Variants in LRRC9 observed in about 807,000 individuals in gnomAD.
LRRC9 encodes leucine rich repeat containing 9, also known as leucine-rich repeat-containing protein 9.
Under a neutral mutation model 63.2 loss-of-function variants are expected in LRRC9, and 122 were observed. The ratio of observed to expected loss-of-function variants is 1.93; its 90% CI spans 1.67 to 2.24. LRRC9 has a LOEUF of 2.24. Among genes scored for constraint, LRRC9 ranks in the 30% most tolerant of loss-of-function variants. The pLI, the probability that LRRC9 is intolerant of heterozygous loss-of-function variation, is 0.00. For synonymous variants in LRRC9, 366 were observed against 213.1 expected (o/e 1.72, Z -6.25); for missense variants, 1,071 against 627.7 (o/e 1.71, Z -7.55).
intron 8 of LRRC9, among the ~76,000 whole-genome samples, chr14:59,954,032 G>A (rs1242590166): frequency 2.0e-5 from 3 of 152,060 alleles, no homozygotes; most frequent in African/African-American, 7.2e-5. Flanking sequence ...ATCCATTTTG[G>A]TACCAGTACC....
In LRRC9 at chr14:59,936,689, A is replaced by G. The variant is rs1890164809; in HGVS notation, c.544-1701A>G. On this transcript the variant is annotated intron_variant, in intron 6 of 31. Coordinates refer to ENST00000445360, the Ensembl canonical transcript of LRRC9. The surrounding 1 kb of genome is among the most constrained non-coding windows in gnomAD (Gnocchi z 4.2). ...AATAATTCTCTGCACAGCTCTGTCCATAAATCTTCCTTTTAGAGCAACTCT... is the reference window on the plus strand; with the variant it reads ...AATAATTCTCTGCACAGCTCTGTCCGTAAATCTTCCTTTTAGAGCAACTCT... Among the ~76,000 whole-genome samples, 1 of 152,182 alleles carries G rather than the reference A, an allele frequency of 6.6e-6. No individual in the cohort carries two copies. The highest frequency in any genetic ancestry group is 2.1e-4 in the South Asian group (1 of 4,834).
intron 29 of LRRC9, among the ~76,000 whole-genome samples, chr14:60,034,437 T>C (rs1163871514): frequency 2.6e-5 from 4 of 152,162 alleles, no homozygotes; most frequent in Non-Finnish European, 5.9e-5. Flanking sequence ...TTTTTAAATG[T>C]CCAGTTTAGT....
intron 8 of LRRC9, among the ~76,000 whole-genome samples, chr14:59,952,275 G>C (rs1299862582): frequency 1.3e-5 from 2 of 152,156 alleles, no homozygotes; most frequent in Non-Finnish European, 2.9e-5. Flanking sequence ...AGGTGCGTCC[G>C]TCACGCCTTT....
At chr14:59,943,291 A>G (rs1201531466) in intron 7 of LRRC9, among the ~76,000 whole-genome samples, 1 of 152,060 alleles carries the variant, frequency 6.6e-6, no homozygotes, top group East Asian at 1.9e-4. Context: ...TTCAAGTTTT[A>G]CATTTAAGTC....
At chr14:59,967,735 AG>A (rs1885006745) in intron 12 of LRRC9, among the ~76,000 whole-genome samples, 1 of 152,194 alleles carries the variant, frequency 6.6e-6, no homozygotes, top group Non-Finnish European at 1.5e-5. Flanking sequence ...AGGCAGCTGT[AG>A]CACACTGGTG....
intron 12 of LRRC9, among the ~76,000 whole-genome samples, chr14:59,974,341 G>A (rs1885874525): frequency 1.3e-5 from 2 of 152,006 alleles, no homozygotes; most frequent in Admixed American, 1.3e-4. Context: ...TGCTTTTCCA[G>A]GAACAATTTT....
chr14:60,058,336 A>T lies in LRRC9; in HGVS notation c.4276+314A>T, dbSNP rs1414612191. 6.6e-6 allele frequency among the ~76,000 whole-genome samples: 1 copy of T among 152,108 alleles called. No individual in the cohort carries two copies. Among genetic ancestry groups the T allele is most frequent in the Non-Finnish European group, 1.5e-5 (1 of 67,998 alleles). The stretch of plus-strand genomic sequence containing the variant: ...CTTTTCAAAGCTTTTATTTCATTTC[A>T]TGGATGTCAGAGCAAACAACTACTA... On this transcript the variant is annotated intron_variant, in intron 31 of 31. Coordinates refer to ENST00000445360, the Ensembl canonical transcript of LRRC9. The surrounding 1 kb of genome is among the most constrained non-coding windows in gnomAD (Gnocchi z 4.4).
chr14:60,014,111 A>G (rs191405123), intron 23 of LRRC9, among the ~76,000 whole-genome samples: 2 of 152,078 alleles, frequency 1.3e-5, no homozygotes, highest in East Asian at 3.9e-4. Context: ...TTCTATTACA[A>G]TGCATATACA....
At chr14:60,019,306 T>C in intron 26 of LRRC9, 46 bp downstream of exon 26, 3 of 649,716 alleles carry the variant, frequency 4.6e-6, no homozygotes, top group Non-Finnish European at 8.3e-6. Context: ...TGGCTGGGAA[T>C]TTTAAAAGCA....
intron 17 of LRRC9, among the ~76,000 whole-genome samples, chr14:59,996,354 T>A (rs1045861767): frequency 2.7e-4 from 41 of 152,274 alleles, no homozygotes; most frequent in South Asian, 8.3e-4. Flanking sequence ...TTTCAGAAAT[T>A]TTTTTAGGTT....
downstream of LRRC9, chr14:60,063,581 T>G (rs888225340): frequency 9.1e-6 from 4 of 438,306 alleles, no homozygotes; most frequent in Non-Finnish European, 4.0e-6. Flanking sequence ...CTTTAGTTAT[T>G]TGTTTGAATT....
At chr14:59,961,510 A>T (rs556834301) in intron 10 of LRRC9, among the ~76,000 whole-genome samples, 7 of 152,314 alleles carry the variant, frequency 4.6e-5, no homozygotes, top group South Asian at 4.1e-4. Context: ...CTGTCTAGCA[A>T]ATCTTCTGTA....
intron 23 of LRRC9, among the ~76,000 whole-genome samples, chr14:60,015,625 C>A (rs549287018): frequency 6.6e-6 from 1 of 152,244 alleles, no homozygotes; most frequent in South Asian, 2.1e-4. Flanking sequence ...GTTACTATTA[C>A]CCAGAACCCT....
chr14:59,925,429 G>C (rs1889132814), intron 1 of LRRC9, among the ~76,000 whole-genome samples: 1 of 152,140 alleles, frequency 6.6e-6, no homozygotes, highest in South Asian at 2.1e-4. Flanking sequence ...GGGCAAAAAA[G>C]GGATGAACTT....
At chr14:59,940,145 CA>C (rs760048099) in intron 7 of LRRC9, among the ~76,000 whole-genome samples, 1 of 151,396 alleles carries the variant, frequency 6.6e-6, no homozygotes, top group African/African-American at 2.4e-5. Context: ...GCATAAAGAA[CA>C]AAAAAAGGAA....
chr14:59,920,240 A>G (rs1363207170), intron 1 of LRRC9: 1 of 152,256 alleles, frequency 6.6e-6, no homozygotes, highest in Admixed American at 6.5e-5. Context: ...CTTGAATCGG[A>G]TTGCCCCGGA....
At chr14:60,016,568 A>G (rs1216811780) in intron 23 of LRRC9, 92 bp from the exon 24 acceptor site, 4 of 583,144 alleles carry the variant, frequency 6.9e-6, no homozygotes, top group African/African-American at 5.6e-5. Flanking sequence ...ATCTGGAAAA[A>G]TGAGTCCACT....
Position 59,932,496 on chromosome 14 carries a change from C to G in LRRC9, c.543+457C>G, listed in dbSNP as rs1380781377. Among the ~76,000 whole-genome samples, 1 of 152,098 alleles carries G rather than the reference C, an allele frequency of 6.6e-6. No homozygotes were observed. Among genetic ancestry groups the G allele is most frequent in the Non-Finnish European group, 1.5e-5 (1 of 67,980 alleles). On this transcript the variant is annotated intron_variant, in intron 6 of 31. Transcript: ENST00000445360. The surrounding 1 kb of genome is among the most constrained non-coding windows in gnomAD (Gnocchi z 4.7). ...CAACTCTCCAGAACTGTACACATAT[C>G]TTAATGCAAACTAATTTTTCCTCTA...
intron 17 of LRRC9, among the ~76,000 whole-genome samples, chr14:59,988,800 T>C (rs1887752408): frequency 6.6e-6 from 1 of 152,156 alleles, no homozygotes; most frequent in Non-Finnish European, 1.5e-5. Context: ...TTTCTAAACA[T>C]TTTGATTGTC....
Sources: allele counts gnomAD v4.1 joint callset (sites outside exome capture counted in the v4.1 genomes callset), GRCh38; gene constraint gnomAD v4.1.1; non-coding constraint Gnocchi (gnomAD v3.1); transcripts MANE v1.5; gene names NCBI Gene and HGNC (gene_info 2026-07-23, HGNC 2026-07-21).